Variants in RNF115 observed in about 807,000 individuals in gnomAD.
RNF115 encodes E3 ubiquitin-protein ligase RNF115.
A neutral mutation model predicts 39.2 loss-of-function variants in RNF115; 31 were observed. The observed-to-expected ratio is 0.79, with a 90% confidence interval of 0.59 to 1.07. The LOEUF (loss-of-function observed/expected upper bound fraction) is 1.07, where lower values mean the gene tolerates loss of function less well. Ranked by LOEUF, RNF115 falls within the 50% of genes least tolerant of loss-of-function variation. The pLI is 0.00. For synonymous variants in RNF115, 124 were observed against 131.0 expected (o/e 0.95, Z 0.37); for missense variants, 384 against 381.7 (o/e 1.01, Z -0.05).
intron 4 of RNF115, among the ~76,000 whole-genome samples, chr1:145,758,122 G>A (rs930174329): frequency 2.4e-4 from 36 of 152,286 alleles, no homozygotes; most frequent in African/African-American, 8.4e-4. Context: ...GCTAGATTTA[G>A]TGATTCACCT....
intron 4 of RNF115, among the ~76,000 whole-genome samples, chr1:145,761,300 CA>C (rs2101492612): frequency 6.6e-6 from 1 of 152,312 alleles, no homozygotes; most frequent in East Asian, 1.9e-4. Flanking sequence ...AGACCACAGG[CA>C]AAATGTCTCC....
intron 2 of RNF115, among the ~76,000 whole-genome samples, chr1:145,788,293 G>A (rs191292784): frequency 6.6e-6 from 1 of 152,190 alleles, no homozygotes; most frequent in Admixed American, 6.5e-5. Flanking sequence ...TGTTGACCAC[G>A]CTGGTCTTGA....
At chr1:145,768,610 G>C (rs1553715340) in intron 4 of RNF115, among the ~76,000 whole-genome samples, 2 of 152,004 alleles carry the variant, frequency 1.3e-5, no homozygotes, top group African/African-American at 4.8e-5. Flanking sequence ...CACCGCACCC[G>C]GCCATTAAAT....
chr1:145,759,444 G>A (rs1248734716), intron 4 of RNF115, among the ~76,000 whole-genome samples: 1 of 151,956 alleles, frequency 6.6e-6, no homozygotes, highest in Non-Finnish European at 1.5e-5. Flanking sequence ...CTTGTTTTCA[G>A]GCCAAAAACC....
At chr1:145,812,089 G>A (rs1189573733) in intron 1 of RNF115, among the ~76,000 whole-genome samples, 3 of 145,832 alleles carry the variant, frequency 2.1e-5, no homozygotes, top group African/African-American at 2.4e-5. Context: ...ATACCTGCAG[G>A]TCTCAGTTAA....
Position 145,747,927 on chromosome 1 carries a change from C to T in RNF115, c.783+68G>A, listed in dbSNP as rs186188390. 819 of 1,028,886 alleles carry T rather than the reference C, an allele frequency of 8.0e-4. 4 individuals are homozygous for T. The African/African-American group carries it at 0.01, about 13-fold the overall frequency. 63.7% of individuals were successfully genotyped at this position (1,028,886 alleles called of 1,614,324 possible). A position where few individuals can be genotyped will look rare whatever the true frequency, so the allele number is the denominator to read the frequency against. On this transcript the variant is annotated intron_variant, in intron 8 of 8. Transcript: ENST00000582693. ...GATAAAATCTGATCTACTTGGATCT[C>T]GAGGAACTGTTAACTATACCTTTAC... is the stretch of plus-strand genomic sequence containing the variant.
At chr1:145,801,831 A>T (rs1316424224) in intron 1 of RNF115, among the ~76,000 whole-genome samples, 1 of 152,012 alleles carries the variant, frequency 6.6e-6, no homozygotes, top group Non-Finnish European at 1.5e-5. Flanking sequence ...TCTGTTGCCC[A>T]GGCTGGAGTG....
chr1:145,797,221 T>C lies in RNF115; in HGVS notation c.103-8255A>G, dbSNP rs185433822. ...TCTTCCCTGCTATATAAGCCCTTAATTGTAGTCAGCCAGGGAGATGGATTT... is the reference window on the plus strand; with the variant it reads ...TCTTCCCTGCTATATAAGCCCTTAACTGTAGTCAGCCAGGGAGATGGATTT... On this transcript the variant is annotated intron_variant, in intron 1 of 8. Coordinates refer to ENST00000582693, the MANE Select transcript of RNF115 (RefSeq NM_014455.4). Among the ~76,000 whole-genome samples, 23 of 152,288 alleles carry C rather than the reference T, an allele frequency of 1.5e-4. No homozygotes were observed. The East Asian group carries it at 4.1e-3, about 27-fold the overall frequency.
chr1:145,793,818 A>G (rs1163965736), intron 1 of RNF115, among the ~76,000 whole-genome samples: 2 of 151,036 alleles, frequency 1.3e-5, no homozygotes, highest in Non-Finnish European at 2.9e-5. Context: ...ACTGGTTCTG[A>G]GCACTAAATA....
chr1:145,772,181 T>C (rs1456619270), intron 3 of RNF115: 14 of 318,602 alleles, frequency 4.4e-5, no homozygotes, highest in African/African-American at 2.4e-4. Flanking sequence ...GAGTTTCTAC[T>C]GTGCCACATC....
intron 1 of RNF115, among the ~76,000 whole-genome samples, chr1:145,793,518 ATC>A (rs1648777816): frequency 6.6e-6 from 1 of 151,748 alleles, no homozygotes; most frequent in East Asian, 1.9e-4. Flanking sequence ...ATTGCTTTAA[ATC>A]TCTCTACATG....
In RNF115 at chr1:145,740,582, A is replaced by G. The variant is rs1042289912; in HGVS notation, c.*6284T>C. 6.6e-6 allele frequency: 1 copy of G among 152,258 alleles called. No individual in the cohort carries two copies. The highest frequency in any genetic ancestry group is 1.5e-5 in the Non-Finnish European group (1 of 68,044). The allele number at this position is 152,258 out of a possible 1,614,324, so 9.4% of individuals were successfully genotyped here. On this transcript the variant is annotated 3_prime_UTR_variant, in exon 9 of 9. Coordinates refer to ENST00000582693, the MANE Select transcript of RNF115 (RefSeq NM_014455.4). ...TTTCTGGACACGCATCTTAGCCCCA[A>G]TCTGTATGAGTGATTCACAAACACG...
intron 1 of RNF115, among the ~76,000 whole-genome samples, chr1:145,791,959 TCTCA>T (rs1648693390): frequency 6.6e-6 from 1 of 152,140 alleles, no homozygotes; most frequent in Admixed American, 6.6e-5. Flanking sequence ...TGAGACAGGA[TCTCA>T]CTCTGTTGCC....
intron 1 of RNF115, among the ~76,000 whole-genome samples, chr1:145,793,136 T>C (rs1326256684): frequency 2.6e-5 from 4 of 152,106 alleles, no homozygotes; most frequent in Non-Finnish European, 5.9e-5. Flanking sequence ...CTGGGCAACA[T>C]AGTGAGACCT....
intron 1 of RNF115, among the ~76,000 whole-genome samples, chr1:145,806,854 G>A (rs1243534884): frequency 6.6e-6 from 1 of 152,204 alleles, no homozygotes; most frequent in Non-Finnish European, 1.5e-5. Context: ...CGCCCAGGCT[G>A]GAGTGCAGTG....
rs941568067 is a variant in RNF115 at position 145,824,020 on chromosome 1, G to T, written c.-147C>A. 2.2e-5 allele frequency: 12 copies of T among 546,328 alleles called. No individual in the cohort carries two copies. Among genetic ancestry groups the T allele is most frequent in the African/African-American group, 1.6e-4 (8 of 49,676 alleles). 33.8% of individuals were successfully genotyped at this position (546,328 alleles called of 1,614,324 possible). ...CGCGTCGGTCACGTGAGTTGGCCAG[G>T]CCCAGAAACGCGGCGGCGCCAACAG... On this transcript the variant is annotated 5_prime_UTR_variant, in exon 1 of 9. Transcript: ENST00000582693.
chr1:145,746,599 T>G lies in RNF115; in HGVS notation c.*267A>C, dbSNP rs1000551937. 1.9e-4 allele frequency: 67 copies of G among 354,804 alleles called. No individual in the cohort carries two copies. Among genetic ancestry groups the G allele is most frequent in the Non-Finnish European group, 2.4e-4 (47 of 194,144 alleles). 22.0% of individuals were successfully genotyped at this position (354,804 alleles called of 1,614,324 possible). On this transcript the variant is annotated 3_prime_UTR_variant, in exon 9 of 9. Coordinates refer to ENST00000582693, the MANE Select transcript of RNF115 (RefSeq NM_014455.4). Reference sequence around the variant, plus strand: ...CTAGACTTTAAGGAATTAATTCTATTCAGACGGGGGGAGCCCTACATAATT... The same window carrying G: ...CTAGACTTTAAGGAATTAATTCTATGCAGACGGGGGGAGCCCTACATAATT...
At chr1:145,782,238 A>G (rs1553717525) in intron 3 of RNF115, among the ~76,000 whole-genome samples, 2 of 152,100 alleles carry the variant, frequency 1.3e-5, no homozygotes, top group Non-Finnish European at 2.9e-5. Context: ...CACTTGCTCC[A>G]CAACAAAATT....
At chr1:145,789,979 C>T (rs960455724) in intron 1 of RNF115, among the ~76,000 whole-genome samples, 5 of 151,594 alleles carry the variant, frequency 3.3e-5, no homozygotes, top group Admixed American at 1.3e-4. Context: ...ATTACAGGCA[C>T]GAGCCACCAC....
Sources: allele counts gnomAD v4.1 joint callset (sites outside exome capture counted in the v4.1 genomes callset), GRCh38; gene constraint gnomAD v4.1.1; transcripts MANE v1.5; gene names NCBI Gene and HGNC (gene_info 2026-07-23, HGNC 2026-07-21).